PVR: variants seen among roughly 807,000 people sequenced by gnomAD.
PVR encodes PVR cell adhesion molecule.
Under a neutral mutation model 43.3 loss-of-function variants are expected in PVR, and 39 were observed. The ratio of observed to expected loss-of-function variants is 0.90; its 90% CI spans 0.70 to 1.18. The LOEUF (loss-of-function observed/expected upper bound fraction) is 1.18. PVR is among the 50% of genes most tolerant of loss of function. The probability of loss-of-function intolerance (pLI) is 0.00; values close to 1 mark genes in which losing one functional copy is unlikely to be tolerated. For synonymous variants in PVR, 224 were observed against 233.2 expected (o/e 0.96, Z 0.36); for missense variants, 480 against 549.7 (o/e 0.87, Z 1.27).
In PVR at chr19:44,647,403, C is replaced by T; in HGVS notation, c.260C>T (p.Ser87Leu). The T allele has an allele frequency of 6.2e-7, 1 of 1,614,036 alleles. No homozygotes were observed. The highest frequency in any genetic ancestry group is 8.5e-7 in the Non-Finnish European group (1 of 1,179,976). The change falls in exon 2 of 8, where the codon TCG becomes TTG. Residue 87 changes from serine to leucine, a missense_variant. By Grantham distance (145) the Ser-to-Leu change is moderately radical. Coordinates refer to ENST00000425690, the MANE Select transcript of PVR (RefSeq NM_006505.5). ...VFHQTQGPSY[S>L]ESKRLEFVAA... ...CACCAAACGCAGGGCCCCAGCTATT[C>T]GGAGTCCAAACGGCTGGAATTCGTG...
At chr19:44,647,725 G>A (rs1248394428) in intron 2 of PVR, among the ~76,000 whole-genome samples, 155 bp downstream of exon 2, 1 of 149,734 alleles carries the variant, frequency 6.7e-6, no homozygotes, top group Non-Finnish European at 1.5e-5. Context: ...CAATGATGTG[G>A]GGTGGGGTGG....
intron 6 of PVR, 136 bp from the exon 7 acceptor site, chr19:44,661,156 A>G (rs1409786060): frequency 1.3e-6 from 1 of 767,374 alleles, no homozygotes; most frequent in African/African-American, 1.7e-5. Flanking sequence ...CGTGTATACC[A>G]TTAAGGGAAA....
Position 44,665,158 on chromosome 19 carries a change from G to T in PVR, c.*3347G>T, listed in dbSNP as rs1249975243. The T allele has an allele frequency of 6.6e-6, 1 of 151,994 alleles. No individual in the cohort carries two copies. The highest frequency in any genetic ancestry group is 2.4e-5 in the African/African-American group (1 of 41,368). The allele number at this position is 151,994 out of a possible 1,614,324, so 9.4% of individuals were successfully genotyped here. On this transcript the variant is annotated 3_prime_UTR_variant, in exon 8 of 8. Transcript: ENST00000425690. ...AACTATCCTTATCAGAGACTTGGCG[G>T]GGGGCAGGGTATGATGGAGATCATA...
chr19:44,646,478 T>C (rs1973116877), intron 1 of PVR, among the ~76,000 whole-genome samples: 1 of 152,124 alleles, frequency 6.6e-6, no homozygotes, highest in Non-Finnish European at 1.5e-5. Context: ...GATGAAAAAG[T>C]TCTGGGCCAG....
chr19:44,644,144 AC>A lies in PVR; in HGVS notation c.49del (p.Leu17TrpfsTer29), dbSNP rs1973006005. On this transcript the variant is annotated frameshift_variant, in exon 1 of 8. Coordinates refer to ENST00000425690, the MANE Select transcript of PVR (RefSeq NM_006505.5). LOFTEE classifies it high-confidence loss of function. ...AAWPLLLVAL[L>X]VLSWPPPGTG... ...CGTGGCCGCTGCTGCTGGTGGCGCT[AC>A]TGGTGCTGTCCTGGCCACCCCCAGG... is the stretch of plus-strand genomic sequence containing the variant. 1 of 1,519,496 alleles carries A rather than the reference AC, an allele frequency of 6.6e-7. No individual in the cohort carries two copies. The highest frequency in any genetic ancestry group is 1.4e-5 in the African/African-American group (1 of 69,920). The allele number at this position is 1,519,496 out of a possible 1,614,324, so 94.1% of individuals were successfully genotyped here. A position where few individuals can be genotyped will look rare whatever the true frequency, so the allele number is the denominator to read the frequency against.
chr19:44,645,199 T>C (rs1206367174), intron 1 of PVR, among the ~76,000 whole-genome samples: 132 of 95,946 alleles, frequency 1.4e-3, no homozygotes, highest in Admixed American at 4.9e-3. Flanking sequence ...TAATATATAA[T>C]ATGTATATTA....
rs1278313554 is a variant in PVR, at chr19:44,649,808, G to A, written c.428-1G>A. ...CTTGTTGCTTTTGTTCCTCTTCCCA[G>A]CCAAGCCCCAGAACACAGCTGAGGT... On this transcript the variant is annotated splice_acceptor_variant, in intron 2 of 7. Coordinates refer to ENST00000425690, the MANE Select transcript of PVR (RefSeq NM_006505.5). LOFTEE classifies it high-confidence loss of function. 1 of 1,612,926 alleles carries A rather than the reference G, an allele frequency of 6.2e-7. No homozygotes were observed. Among genetic ancestry groups the A allele is most frequent in the Admixed American group, 1.7e-5 (1 of 59,680 alleles).
intron 6 of PVR, among the ~76,000 whole-genome samples, chr19:44,659,608 A>G (rs1472821778): frequency 6.6e-6 from 1 of 151,974 alleles, no homozygotes; most frequent in Non-Finnish European, 1.5e-5. Flanking sequence ...TCAGCCTCCC[A>G]AGGAGCGGGG....
intron 1 of PVR, 102 bp downstream of exon 1, chr19:44,644,277 C>T: frequency 1.2e-6 from 1 of 817,740 alleles, no homozygotes; most frequent in Non-Finnish European, 1.8e-6. Context: ...ACGGCCCCGC[C>T]CGGCGCCACC....
chr19:44,645,440 TATA>T (rs1412827927), intron 1 of PVR, among the ~76,000 whole-genome samples: 3 of 117,206 alleles, frequency 2.6e-5, no homozygotes, highest in Non-Finnish European at 4.9e-5. Flanking sequence ...TATATATATA[TATA>T]TAGTGCGTGT....
In PVR at chr19:44,644,512, C is replaced by T. The variant is rs866818342; in HGVS notation, c.79+337C>T. On this transcript the variant is annotated intron_variant, in intron 1 of 7. Coordinates refer to ENST00000425690, the MANE Select transcript of PVR (RefSeq NM_006505.5). ...AGGCAAGTGAATCCCGGAAAATCAG[C>T]AGATGGTGACGCATGCCGGATTACC... Among the ~76,000 whole-genome samples the T allele has an allele frequency of 1.4e-4, 21 of 152,128 alleles. No individual in the cohort carries two copies. In the Middle Eastern group the frequency reaches 0.01, roughly 74 times the overall value.
chr19:44,658,893 T>C lies in PVR; in HGVS notation c.1143T>C (p.Cys381=). The part of the protein sequence containing the change: ...SREVLWHCHL[C]PSSTEHASAS... ...AGGTCCTTTGGCACTGTCATCTGTG[T>C]CCCTCGAGTGAGCATCACCAGAGCT... Residue 381 remains cysteine, a synonymous_variant, in exon 6 of 8, where the codon TGT becomes TGC. Coordinates refer to ENST00000425690, the MANE Select transcript of PVR (RefSeq NM_006505.5). 6.2e-7 allele frequency: 1 copy of C among 1,613,882 alleles called. No individual in the cohort carries two copies. The highest frequency in any genetic ancestry group is 2.2e-5 in the East Asian group (1 of 44,868).
intron 4 of PVR, among the ~76,000 whole-genome samples, chr19:44,656,377 T>C (rs528459802): frequency 3.3e-4 from 51 of 152,318 alleles, no homozygotes; most frequent in African/African-American, 1.2e-3. Flanking sequence ...GCCTTTACTG[T>C]CCTGCCTCAA....
At chr19:44,660,736 C>G (rs1973570546) in intron 6 of PVR, among the ~76,000 whole-genome samples, 1 of 152,020 alleles carries the variant, frequency 6.6e-6, no homozygotes, top group Non-Finnish European at 1.5e-5. Context: ...GTTGCCCAAG[C>G]TGGTCTCAAA....
chr19:44,651,571 C>T (rs1296983828), intron 3 of PVR, among the ~76,000 whole-genome samples: 1 of 151,812 alleles, frequency 6.6e-6, no homozygotes, highest in East Asian at 1.9e-4. Flanking sequence ...TCTCCATGTT[C>T]CTCTGCCCAA....
At chr19:44,645,176 AT>A (rs1200323818) in intron 1 of PVR, among the ~76,000 whole-genome samples, 4 of 85,186 alleles carry the variant, frequency 4.7e-5, no homozygotes, top group Non-Finnish European at 6.2e-5. Context: ...ATTATATATT[AT>A]ATATATTATT....
At chr19:44,649,068 T>C (rs1293865967) in intron 2 of PVR, among the ~76,000 whole-genome samples, 5 of 152,074 alleles carry the variant, frequency 3.3e-5, no homozygotes, top group Non-Finnish European at 7.4e-5. Flanking sequence ...GGGCTCAGGC[T>C]TCCTCTCCTC....
chr19:44,645,380 G>T (rs1973080992), intron 1 of PVR, among the ~76,000 whole-genome samples: 11 of 109,024 alleles, frequency 1.0e-4, no homozygotes, highest in South Asian at 5.3e-4. Flanking sequence ...AGAGTAAATA[G>T]ATAACATATT....
chr19:44,648,796 T>G (rs990296713), intron 2 of PVR, among the ~76,000 whole-genome samples: 14 of 152,290 alleles, frequency 9.2e-5, no homozygotes, highest in African/African-American at 3.4e-4. Context: ...AGGCAGCTGT[T>G]GTCACTCCAG....
Sources: gnomAD v4.1 joint callset for allele counts (sites outside exome capture counted in the v4.1 genomes callset) on GRCh38, gnomAD v4.1.1 for gene constraint, MANE v1.5 for transcripts, NCBI Gene and HGNC (gene_info 2026-07-23, HGNC 2026-07-21) for gene names.